NWD2: variants seen among roughly 807,000 people sequenced by gnomAD.
NWD2 encodes NACHT and WD repeat domain containing 2, also known as NACHT and WD repeat domain-containing protein 2.
A neutral mutation model predicts 132.7 loss-of-function variants in NWD2; 37 were observed. The ratio of observed to expected loss-of-function variants is 0.28; its 90% confidence interval spans 0.21 to 0.37. The LOEUF (loss-of-function observed/expected upper bound fraction) is 0.37. NWD2 is among the 10% of genes least tolerant of loss of function. The probability of loss-of-function intolerance (pLI) is 1.00; values close to 1 mark genes in which losing one functional copy is unlikely to be tolerated. For synonymous variants in NWD2, 705 were observed against 803.0 expected (o/e 0.88, Z 2.06); for missense variants, 1,592 against 2,122.4 (o/e 0.75, Z 4.91).
intron 2 of NWD2, among the ~76,000 whole-genome samples, chr4:37,354,809 G>C (rs76603012): frequency 0.023 from 3,486 of 152,256 alleles, 100 homozygotes; most frequent in East Asian, 0.12. Flanking sequence ...TTTACCAAAA[G>C]GTACTCTGTG....
rs114748202 is a variant in NWD2 at position 37,296,916 on chromosome 4, T to G, written c.152-29020T>G. ...CCTGTATTTCTCCCAGGAGTGATGG[T>G]TCAGTATTCACAATCCAGTGTTCAC... On this transcript the variant is annotated intron_variant, in intron 1 of 6. Transcript: ENST00000309447. Among the ~76,000 whole-genome samples the G allele has an allele frequency of 7.6e-3, 1,161 of 152,268 alleles. 5 individuals carry two copies. The highest frequency in any genetic ancestry group is 0.012 in the Non-Finnish European group (815 of 68,010).
At chr4:37,294,999 C>T (rs1718445843) in intron 1 of NWD2, among the ~76,000 whole-genome samples, 1 of 152,096 alleles carries the variant, frequency 6.6e-6, no homozygotes, top group East Asian at 1.9e-4. Flanking sequence ...TTACTGAATC[C>T]ACATGTTACA....
chr4:37,377,817 T>C (rs549752282), intron 3 of NWD2, among the ~76,000 whole-genome samples: 194 of 152,274 alleles, frequency 1.3e-3, no homozygotes, highest in African/African-American at 4.4e-3. Flanking sequence ...TTTGAATAAC[T>C]TAAAAGTATA....
intron 1 of NWD2, among the ~76,000 whole-genome samples, chr4:37,260,886 A>C (rs538379955): frequency 6.6e-6 from 1 of 152,334 alleles, no homozygotes; most frequent in Non-Finnish European, 1.5e-5. Context: ...GCCACATACA[A>C]CACATGATAC....
chr4:37,266,686 C>G (rs1717758165), intron 1 of NWD2, among the ~76,000 whole-genome samples: 2 of 151,980 alleles, frequency 1.3e-5, no homozygotes, highest in Admixed American at 1.3e-4. Flanking sequence ...TTCTCAAACC[C>G]CATTATATTT....
In NWD2 at chr4:37,448,513, A is replaced by C. The variant is rs34994023; in HGVS notation, c.*1296A>C. 2 of 152,104 alleles carry C rather than the reference A, an allele frequency of 1.3e-5. No individual in the cohort carries two copies. Among genetic ancestry groups the C allele is most frequent in the Non-Finnish European group, 2.9e-5 (2 of 68,002 alleles). The allele number at this position is 152,104 out of a possible 1,614,324, so 9.4% of individuals were successfully genotyped here. A position where few individuals can be genotyped will look rare whatever the true frequency, so the allele number is the denominator to read the frequency against. On this transcript the variant is annotated 3_prime_UTR_variant, in exon 7 of 7. Coordinates refer to ENST00000309447, the MANE Select transcript of NWD2 (RefSeq NM_001144990.2). ...TCACCTGTTTAAAAGAAAACATTGCATCTCAAAAGGTGAAGATGATTGTTC... is the reference window on the plus strand; with the variant it reads ...TCACCTGTTTAAAAGAAAACATTGCCTCTCAAAAGGTGAAGATGATTGTTC...
In NWD2 at chr4:37,268,791, G is replaced by A. The variant is rs1010787154; in HGVS notation, c.151+23573G>A. Among the ~76,000 whole-genome samples the A allele has an allele frequency of 2.6e-5, 4 of 151,340 alleles. No homozygotes were observed. In the East Asian group the frequency reaches 7.8e-4, roughly 29 times the overall value. On this transcript the variant is annotated intron_variant, in intron 1 of 6. Coordinates refer to ENST00000309447, the MANE Select transcript of NWD2 (RefSeq NM_001144990.2). ...GTATATATAATGAGTTGATAGGGTG[G>A]GACTGGAAGCAGGTGGACAAGCTAC...
chr4:37,413,206 T>A (rs1721197579), intron 3 of NWD2, among the ~76,000 whole-genome samples: 1 of 152,098 alleles, frequency 6.6e-6, no homozygotes, highest in Non-Finnish European at 1.5e-5. Context: ...GGGAGAAAAT[T>A]TTTGCAATCT....
At chr4:37,272,577 G>A (rs545020774) in intron 1 of NWD2, among the ~76,000 whole-genome samples, 27 of 151,746 alleles carry the variant, frequency 1.8e-4, no homozygotes, top group East Asian at 1.5e-3. Flanking sequence ...GTGCATATTC[G>A]TTTTTTATTT....
At chr4:37,315,878 T>C (rs917323560) in intron 1 of NWD2, among the ~76,000 whole-genome samples, 11 of 152,064 alleles carry the variant, frequency 7.2e-5, no homozygotes, top group Non-Finnish European at 1.5e-5. Context: ...CAAAATATTC[T>C]TAATTTATCA....
At chr4:37,427,851 A>C (rs5004376) in intron 3 of NWD2, among the ~76,000 whole-genome samples, 34,872 of 151,870 alleles carry the variant, frequency 0.23, 4,791 homozygotes, top group Non-Finnish European at 0.29. Context: ...GGATATGTTT[A>C]TACAGTACCT....
intron 1 of NWD2, among the ~76,000 whole-genome samples, chr4:37,271,937 T>C (rs542503947): frequency 2.6e-4 from 40 of 151,804 alleles, no homozygotes; most frequent in African/African-American, 9.4e-4. Context: ...TAACTGTAGG[T>C]TTTTTGTAGT....
intron 3 of NWD2, among the ~76,000 whole-genome samples, chr4:37,386,865 C>T (rs1015528004): frequency 3.3e-5 from 5 of 149,430 alleles, no homozygotes; most frequent in African/African-American, 1.0e-4. Context: ...TCCTCTCTCT[C>T]GGTCCCTCTC....
intron 1 of NWD2, among the ~76,000 whole-genome samples, chr4:37,267,375 G>A (rs1170889817): frequency 6.6e-6 from 1 of 151,970 alleles, no homozygotes; most frequent in Non-Finnish European, 1.5e-5. Flanking sequence ...AGCAAGATGA[G>A]AGAAGAGAGT....
chr4:37,325,694 G>A (rs1260964761), intron 1 of NWD2, among the ~76,000 whole-genome samples: 1 of 152,114 alleles, frequency 6.6e-6, no homozygotes, highest in Admixed American at 6.6e-5. Flanking sequence ...TCTCAGCCCT[G>A]CCAGCATACA....
At chr4:37,325,466 C>G (rs1043292682) in intron 1 of NWD2, among the ~76,000 whole-genome samples, 1 of 152,084 alleles carries the variant, frequency 6.6e-6, no homozygotes, top group Non-Finnish European at 1.5e-5. Flanking sequence ...CACAATATAT[C>G]TGAATAGGTA....
chr4:37,256,669 C>T (rs546831822), intron 1 of NWD2, among the ~76,000 whole-genome samples: 77 of 152,214 alleles, frequency 5.1e-4, no homozygotes, highest in African/African-American at 1.8e-3. Context: ...AATTCCTTTA[C>T]GAGCCCATTT....
intron 1 of NWD2, among the ~76,000 whole-genome samples, chr4:37,264,879 A>G (rs1193680910): frequency 1.3e-5 from 2 of 152,168 alleles, no homozygotes; most frequent in African/African-American, 4.8e-5. Flanking sequence ...AGTAAAATGT[A>G]GAGTCTGCTT....
intron 3 of NWD2, among the ~76,000 whole-genome samples, chr4:37,402,226 T>C (rs1720909474): frequency 6.6e-6 from 1 of 152,200 alleles, no homozygotes; most frequent in African/African-American, 2.4e-5. Context: ...CCTCCAGAAC[T>C]GTGAGAAATA....
Sources: gnomAD v4.1 joint callset for allele counts (sites outside exome capture counted in the v4.1 genomes callset) on GRCh38, gnomAD v4.1.1 for gene constraint, MANE v1.5 for transcripts, NCBI Gene and HGNC (gene_info 2026-07-23, HGNC 2026-07-21) for gene names.